Variants in ZNF37A observed in about 807,000 individuals in gnomAD.
ZNF37A encodes the protein zinc finger protein 37a (KOX 21).
ZNF37A carries 10 observed loss-of-function variants against 12.3 expected under a neutral mutation model. That is an observed-to-expected ratio of 0.82 (90% CI 0.50 to 1.38). The LOEUF (loss-of-function observed/expected upper bound fraction) is 1.38. ZNF37A is among the 40% of genes most tolerant of loss of function. The pLI, the probability that ZNF37A is intolerant of heterozygous loss-of-function variation, is 0.00. For synonymous variants in ZNF37A, 207 were observed against 223.0 expected (o/e 0.93, Z 0.64); for missense variants, 580 against 651.2 (o/e 0.89, Z 1.19).
intron 7 of ZNF37A, chr10:38,141,808 T>A (rs2070187802): frequency 6.6e-6 from 1 of 152,100 alleles, no homozygotes; most frequent in African/African-American, 2.4e-5. Context: ...ATTTTTTAAA[T>A]CAGGAAAGAG....
chr10:38,147,584 C>G (rs1297859122), exon 8 of ZNF37A: 7 of 152,262 alleles, frequency 4.6e-5, no homozygotes, highest in Admixed American at 4.6e-4. Flanking sequence ...AATTTTGCAA[C>G]ATTTCCTTGC....
At position 38,121,220 on chromosome 10, in the gene ZNF37A, A is replaced by G. The variant is rs781161189; in HGVS notation, c.*2383A>G. ...TAACAAAACCTAAAAAAAAAACAAC[A>G]AAAAAACCCATAAAGCTATAGACCA... On this transcript the variant is annotated 3_prime_UTR_variant, in exon 8 of 8. Transcript: ENST00000685332. The G allele has an allele frequency of 9.2e-5, 14 of 152,112 alleles. No homozygotes were observed. Among genetic ancestry groups the G allele is most frequent in the Non-Finnish European group, 1.6e-4 (11 of 68,020 alleles). The allele number at this position is 152,112 out of a possible 1,614,324, so 9.4% of individuals were successfully genotyped here.
intron 5 of ZNF37A, among the ~76,000 whole-genome samples, chr10:38,107,863 G>C (rs1201904118): frequency 6.6e-6 from 1 of 152,166 alleles, no homozygotes; most frequent in Non-Finnish European, 1.5e-5. Flanking sequence ...CAAGTTTTTA[G>C]AGACCTACAA....
At chr10:38,146,246 C>A (rs1034347045) in intron 7 of ZNF37A, among the ~76,000 whole-genome samples, 4 of 152,152 alleles carry the variant, frequency 2.6e-5, no homozygotes, top group Admixed American at 6.5e-5. Flanking sequence ...CATTTCCAGG[C>A]ACATTTCCCT....
chr10:38,140,246 C>A (rs1241637461), intron 7 of ZNF37A: 2 of 152,130 alleles, frequency 1.3e-5, no homozygotes, highest in Non-Finnish European at 2.9e-5. Context: ...AGAAATTGAC[C>A]AAACTAACTT....
chr10:38,114,796 A>G lies in ZNF37A; in HGVS notation c.57A>G (p.Gln19=), dbSNP rs2069107063. The G allele has an allele frequency of 6.2e-7, 1 of 1,613,980 alleles. No homozygotes were observed. The highest frequency in any genetic ancestry group is 2.2e-5 in the East Asian group (1 of 44,850). The change falls in exon 6 of 8, where the codon CAA becomes CAG. Residue 19 remains glutamine (Q), a synonymous_variant. Coordinates refer to ENST00000685332, the MANE Select transcript of ZNF37A (RefSeq NM_001324250.3). The part of the protein sequence containing the change: ...SFRDVTVGFT[Q]EEWQHLDPAQ... Reference sequence around the variant, plus strand: ...GGGATGTGACTGTGGGCTTCACTCAAGAGGAGTGGCAGCATCTGGACCCTG... The same window carrying G: ...GGGATGTGACTGTGGGCTTCACTCAGGAGGAGTGGCAGCATCTGGACCCTG...
In ZNF37A at chr10:38,120,265, C is replaced by T. The variant is rs917891669; in HGVS notation, c.*1428C>T. 1.3e-5 allele frequency: 2 copies of T among 151,964 alleles called. No individual in the cohort carries two copies. Among genetic ancestry groups the T allele is most frequent in the African/African-American group, 4.8e-5 (2 of 41,348 alleles). 9.4% of individuals were successfully genotyped at this position (151,964 alleles called of 1,614,324 possible). On this transcript the variant is annotated 3_prime_UTR_variant, in exon 8 of 8. Coordinates refer to ENST00000685332, the MANE Select transcript of ZNF37A (RefSeq NM_001324250.3). ...CCAACATGATGAAACCCTGTCTCTA[C>T]TAAAAATACAAAAATTAGCCGGGCA... is the stretch of plus-strand genomic sequence containing the variant.
chr10:38,115,240 G>A lies in ZNF37A; in HGVS notation c.188G>A (p.Gly63Asp), dbSNP rs1266325539. ...KPEVILKLEK[G>D]EEPWILEEKF... Reference sequence around the variant, plus strand: ...GAAGTGATTCTCAAGTTGGAGAAAGGCGAGGAGCCATGGATATTAGAGGAA... The same window carrying A: ...GAAGTGATTCTCAAGTTGGAGAAAGACGAGGAGCCATGGATATTAGAGGAA... The change falls in exon 7 of 8, where the codon GGC (glycine) becomes GAC (aspartate). Residue 63 changes from glycine to aspartate, a missense_variant. By Grantham distance (94) the Gly-to-Asp change is moderately conservative. Transcript: ENST00000685332. 3.1e-6 allele frequency: 5 copies of A among 1,613,894 alleles called. No homozygotes were observed. Among genetic ancestry groups the A allele is most frequent in the Non-Finnish European group, 3.4e-6 (4 of 1,179,976 alleles).
In ZNF37A at chr10:38,119,864, A is replaced by G. The variant is rs1167496112; in HGVS notation, c.*1027A>G. 6.6e-6 allele frequency: 1 copy of G among 152,228 alleles called. No homozygotes were observed. Among genetic ancestry groups the G allele is most frequent in the Non-Finnish European group, 1.5e-5 (1 of 68,046 alleles). 9.4% of individuals were successfully genotyped at this position (152,228 alleles called of 1,614,324 possible). A position where few individuals can be genotyped will look rare whatever the true frequency, so the allele number is the denominator to read the frequency against. ...GGATTTTTGAATAATCCTAGGGCAG[A>G]CTAAATTCAGACGACCCATCTCAGA... On this transcript the variant is annotated 3_prime_UTR_variant, in exon 8 of 8. Coordinates refer to ENST00000685332, the MANE Select transcript of ZNF37A (RefSeq NM_001324250.3).
At chr10:38,102,286 T>C (rs2067657103) in intron 5 of ZNF37A, among the ~76,000 whole-genome samples, 1 of 152,240 alleles carries the variant, frequency 6.6e-6, no homozygotes, top group Admixed American at 6.5e-5. Context: ...CCTTCTTTTG[T>C]GTTTTTTTCT....
chr10:38,132,371 T>TC (rs1564386299), intron 7 of ZNF37A, among the ~76,000 whole-genome samples: 1 of 152,092 alleles, frequency 6.6e-6, no homozygotes, highest in African/African-American at 2.4e-5. Context: ...TATAGGTTTT[T>TC]CCCCCTTTCT....
At chr10:38,113,263 AGT>A (rs2068973917) in intron 5 of ZNF37A, among the ~76,000 whole-genome samples, 2 of 112,764 alleles carry the variant, frequency 1.8e-5, no homozygotes, top group Non-Finnish European at 1.6e-5. Context: ...CCCAGGCTGG[AGT>A]GTGGTGGCAC....
intron 5 of ZNF37A, among the ~76,000 whole-genome samples, chr10:38,114,381 G>T (rs1264182805): frequency 6.6e-6 from 1 of 152,234 alleles, no homozygotes; most frequent in African/African-American, 2.4e-5. Context: ...ACACATAGCT[G>T]TGGTGTGAGT....
intron 5 of ZNF37A, among the ~76,000 whole-genome samples, chr10:38,105,740 T>C (rs1425084427): frequency 2.6e-5 from 4 of 152,234 alleles, no homozygotes; most frequent in African/African-American, 9.6e-5. Flanking sequence ...CACTAAGTAT[T>C]TTATTTTACT....
intron 5 of ZNF37A, among the ~76,000 whole-genome samples, chr10:38,105,865 T>C (rs1428854311): frequency 6.6e-6 from 1 of 152,248 alleles, no homozygotes; most frequent in African/African-American, 2.4e-5. Flanking sequence ...TCTGCAACTA[T>C]GCCAAAACTA....
intron 7 of ZNF37A, chr10:38,143,004 C>A (rs1176933272): frequency 2.0e-5 from 3 of 152,154 alleles, no homozygotes; most frequent in Admixed American, 6.5e-5. Context: ...TGTTATGTTT[C>A]CTTATTTTAT....
chr10:38,113,230 T>C (rs2068967405), intron 5 of ZNF37A, among the ~76,000 whole-genome samples: 1 of 102,048 alleles, frequency 9.8e-6, no homozygotes, highest in African/African-American at 3.7e-5. Context: ...TTTTTTTTTT[T>C]GAGATGGAGT....
downstream of ZNF37A, among the ~76,000 whole-genome samples, chr10:38,130,140 T>G (rs926554855): frequency 3.9e-5 from 6 of 152,204 alleles, no homozygotes; most frequent in African/African-American, 1.4e-4. Flanking sequence ...TATGTGTCGC[T>G]CTATGTCTGG....
chr10:38,138,242 T>TG (rs1244609092), intron 7 of ZNF37A: 1 of 152,230 alleles, frequency 6.6e-6, no homozygotes, highest in African/African-American at 2.4e-5. Flanking sequence ...CCTAGGCTTG[T>TG]GGCATTCACT....
Sources: gnomAD v4.1 joint callset for allele counts (sites outside exome capture counted in the v4.1 genomes callset) on GRCh38, gnomAD v4.1.1 for gene constraint, MANE v1.5 for transcripts, NCBI Gene and HGNC (gene_info 2026-07-23, HGNC 2026-07-21) for gene names.